Variants in SORBS2 observed in about 807,000 individuals in gnomAD.
The protein encoded by SORBS2 is sorbin and SH3 domain containing 2.
Under a neutral mutation model 97.7 loss-of-function variants are expected in SORBS2, and 46 were observed. The observed-to-expected ratio is 0.47, with a 90% CI of 0.37 to 0.60. The LOEUF (loss-of-function observed/expected upper bound fraction) is 0.60. Among genes scored for constraint, SORBS2 ranks in the 20% least tolerant of loss-of-function variants. The pLI is 0.00. For synonymous variants in SORBS2, 476 were observed against 473.4 expected, an observed-to-expected ratio of 1.01 and a Z score of -0.07; for missense variants, 1,316 against 1,282.3, an observed-to-expected ratio of 1.03 and a Z score of -0.40.
intron 7 of SORBS2, among the ~76,000 whole-genome samples, chr4:185,622,361 A>G (rs770554436): frequency 6.6e-6 from 1 of 152,224 alleles, no homozygotes; most frequent in Non-Finnish European, 1.5e-5. Context: ...CAAAAATTTT[A>G]TCACCATTGT....
intron 12 of SORBS2, among the ~76,000 whole-genome samples, chr4:185,596,028 CAT>C (rs1217442862): frequency 1.3e-5 from 2 of 152,164 alleles, no homozygotes; most frequent in Admixed American, 6.5e-5. Flanking sequence ...CCAAAACAAT[CAT>C]AGCACCATTT....
intron 1 of SORBS2, among the ~76,000 whole-genome samples, chr4:185,891,917 A>G (rs1287108251): frequency 6.6e-6 from 1 of 151,948 alleles, no homozygotes; most frequent in East Asian, 1.9e-4. Context: ...TCACTGCAAC[A>G]TCCACCTCCC....
exon 4 of SORBS2, chr4:185,646,698 G>T (rs997820040): frequency 2.5e-6 from 4 of 1,612,842 alleles, no homozygotes; most frequent in Non-Finnish European, 2.5e-6. Flanking sequence ...TTGATGACTT[G>T]CCAGGTTCAT....
At position 185,638,859 on chromosome 4, in the gene SORBS2, A is replaced by G. The variant is rs1485741953; in HGVS notation, c.396+7809T>C. 1 of 1,442,268 alleles carries G rather than the reference A, an allele frequency of 6.9e-7. No homozygotes were observed. The highest frequency in any genetic ancestry group is 3.3e-5 in the Admixed American group (1 of 30,376). 89.3% of individuals were successfully genotyped at this position (1,442,268 alleles called of 1,614,324 possible). On this transcript the variant is annotated intron_variant, in intron 4 of 14. Transcript: ENST00000418609. The stretch of plus-strand genomic sequence containing the variant: ...CCTCTGCCGGGCATGAAGAAAGGTA[A>G]GGAAGGAAGGAGCTCACCCGGGTGG...
chr4:185,940,559 T>A (rs767010069), intron 1 of SORBS2, among the ~76,000 whole-genome samples: 5 of 152,182 alleles, frequency 3.3e-5, no homozygotes, highest in Non-Finnish European at 7.4e-5. Context: ...TGGCTTAATA[T>A]CCTCTAATAG....
chr4:185,715,545 G>A (rs2098458699), intron 2 of SORBS2, among the ~76,000 whole-genome samples: 1 of 151,900 alleles, frequency 6.6e-6, no homozygotes, highest in Non-Finnish European at 1.5e-5. Context: ...AACTGGTAAA[G>A]TTAACTCTAT....
intron 1 of SORBS2, among the ~76,000 whole-genome samples, chr4:185,907,820 A>G (rs2099251937): frequency 1.3e-5 from 2 of 152,068 alleles, no homozygotes; most frequent in African/African-American, 4.8e-5. Flanking sequence ...GTCATTTCCA[A>G]TCTTCTCCTT....
intron 2 of SORBS2, among the ~76,000 whole-genome samples, chr4:185,751,297 G>A (rs1364176093): frequency 6.6e-6 from 1 of 151,778 alleles, no homozygotes; most frequent in Non-Finnish European, 1.5e-5. Flanking sequence ...CAGTTTGGAT[G>A]TTAGGAACTA....
rs556473758 is a variant in SORBS2, at chr4:185,910,001, A to G, written c.-338+46195T>C. Among the ~76,000 whole-genome samples, 659 of 151,760 alleles carry G rather than the reference A, an allele frequency of 4.3e-3. 8 individuals are homozygous for G. Among genetic ancestry groups the G allele is most frequent in the African/African-American group, 0.015 (614 of 41,362 alleles). On this transcript the variant is annotated intron_variant, in intron 1 of 20. Coordinates refer to the SORBS2 transcript ENST00000284776. Reference sequence around the variant, plus strand: ...TCCATCTCAGAAAAAAAAAAAAAAAAAAAGAAAAGAAATATATTCCCTTCA... The same window carrying G: ...TCCATCTCAGAAAAAAAAAAAAAAAGAAAGAAAAGAAATATATTCCCTTCA...
chr4:185,908,304 T>TTTGTATACACACAA (rs1431361963), intron 1 of SORBS2, among the ~76,000 whole-genome samples: 27 of 95,476 alleles, frequency 2.8e-4, no homozygotes, highest in African/African-American at 8.3e-4. Flanking sequence ...TATATATATA[T>TTTGTATACACACAA]ATATATATAT....
rs70962587 is a variant in SORBS2, at chr4:185,709,304, C to CTTTTTTTTTTTT, written c.-197-30494_-197-30483dup. On this transcript the variant is annotated intron_variant, in intron 2 of 20. Transcript: ENST00000284776. ...GCATGAGCCGCTGTGCTGGCCAAAT[C>CTTTTTTTTTTTT]TTTTTTTTTTTTTTTTTTTTAGTAA... Among the ~76,000 whole-genome samples, 110 of 96,744 alleles carry CTTTTTTTTTTTT rather than the reference C, an allele frequency of 1.1e-3. 6 individuals are homozygous for CTTTTTTTTTTTT. The highest frequency in any genetic ancestry group is 4.1e-3 in the African/African-American group (100 of 24,366). 63.5% of individuals were successfully genotyped at this position (96,744 alleles called of 152,430 possible).
intron 1 of SORBS2, among the ~76,000 whole-genome samples, chr4:185,838,837 T>C (rs2153676532): frequency 6.6e-6 from 1 of 152,258 alleles, no homozygotes; most frequent in South Asian, 2.1e-4. Context: ...ACATGGAACC[T>C]CCTGTCTCTG....
At chr4:185,731,069 C>G (rs1441284221) in intron 2 of SORBS2, among the ~76,000 whole-genome samples, 1 of 152,122 alleles carries the variant, frequency 6.6e-6, no homozygotes, top group Admixed American at 6.5e-5. Flanking sequence ...CAGCCATGAT[C>G]TTTTTATAGC....
Position 185,955,566 on chromosome 4 carries a change from A to G in SORBS2, c.-338+630T>C, listed in dbSNP as rs533352816. Among the ~76,000 whole-genome samples, 16 of 152,360 alleles carry G rather than the reference A, an allele frequency of 1.1e-4. No homozygotes were observed. In the South Asian group the frequency reaches 2.5e-3, roughly 24 times the overall value. ...CATGGGTCTTTTGTTACTCTAACAT[A>G]TTAAATTATCCTTCCAATTACCTTG... On this transcript the variant is annotated intron_variant, in intron 1 of 20. Transcript: ENST00000284776.
intron 1 of SORBS2, among the ~76,000 whole-genome samples, chr4:185,882,365 T>G (rs1295339505): frequency 1.3e-5 from 2 of 152,160 alleles, no homozygotes; most frequent in African/African-American, 4.8e-5. Flanking sequence ...ACAAAATTCT[T>G]AGTAAAATCT....
At position 185,786,950 on chromosome 4, in the gene SORBS2, A is replaced by AT. The variant is rs35546450; in HGVS notation, c.-337-11585dup. On this transcript the variant is annotated intron_variant, in intron 1 of 20. Coordinates refer to the SORBS2 transcript ENST00000284776. ...TGCACTCCAATCTGGATGTTCATCC[A>AT]TTTTTTTTTTTTTTTTTGAGGCTCT... is the stretch of plus-strand genomic sequence containing the variant. Among the ~76,000 whole-genome samples, 114 of 99,916 alleles carry AT rather than the reference A, an allele frequency of 1.1e-3. 3 individuals carry two copies. The highest frequency in any genetic ancestry group is 4.2e-3 in the South Asian group (11 of 2,592). 65.5% of individuals were successfully genotyped at this position (99,916 alleles called of 152,430 possible).
intron 1 of SORBS2, among the ~76,000 whole-genome samples, chr4:185,938,249 C>T (rs1250393040): frequency 9.2e-5 from 14 of 152,138 alleles, no homozygotes; most frequent in South Asian, 4.2e-4. Context: ...CCACCCGCCT[C>T]GGCCTCCCAA....
At chr4:185,594,087 A>G (rs1435778650) in intron 12 of SORBS2, 152 bp from the exon 25 acceptor site, 5 of 599,034 alleles carry the variant, frequency 8.3e-6, no homozygotes, top group Admixed American at 3.2e-5. Flanking sequence ...AGCTTTCTGC[A>G]GGATTAATAA....
At chr4:185,924,695 C>A (rs189681557) in intron 1 of SORBS2, among the ~76,000 whole-genome samples, 11 of 152,304 alleles carry the variant, frequency 7.2e-5, no homozygotes, top group African/African-American at 2.6e-4. Flanking sequence ...TCAAACCAAT[C>A]CCCTGTGCCC....
Sources: gnomAD v4.1 joint callset for allele counts (sites outside exome capture counted in the v4.1 genomes callset) on GRCh38, gnomAD v4.1.1 for gene constraint, MANE v1.5 for transcripts, NCBI Gene and HGNC (gene_info 2026-07-23, HGNC 2026-07-21) for gene names.